PCDHGA8: variants seen among roughly 807,000 people sequenced by gnomAD.
PCDHGA8 encodes the protein protocadherin gamma subfamily A, 8.
Under a neutral mutation model 59.2 loss-of-function variants are expected in PCDHGA8, and 45 were observed. The observed-to-expected ratio is 0.76, with a 90% CI of 0.60 to 0.98. PCDHGA8 has a LOEUF of 0.98. Among genes scored for constraint, PCDHGA8 ranks in the 50% least tolerant of loss-of-function variants. The pLI, the probability that PCDHGA8 is intolerant of heterozygous loss-of-function variation, is 0.00. For missense variants in PCDHGA8, 1,257 were observed against 1,196.2 expected (o/e 1.05, Z -0.75); for synonymous variants, 531 against 519.0 (o/e 1.02, Z -0.32).
chr5:141,509,595 C>T (rs968797923), intron 3 of PCDHGA8, among the ~76,000 whole-genome samples: 36 of 152,168 alleles, frequency 2.4e-4, no homozygotes, highest in African/African-American at 6.8e-4. Context: ...CTGGCAATTC[C>T]GAGAGGCTGC....
At chr5:141,464,415 C>A (rs1185416197) in intron 1 of PCDHGA8, among the ~76,000 whole-genome samples, 2 of 150,854 alleles carry the variant, frequency 1.3e-5, no homozygotes, top group Admixed American at 6.6e-5. Context: ...ATATATATAT[C>A]TATATATATA....
In PCDHGA8 at chr5:141,485,669, T is replaced by G. The variant is rs754363407; in HGVS notation, c.2425-9138T>G. ...TCAGGATGCAGATGTGGGGAGCAATTCGATTAGCAGCTATAGGCTGAGCTC... is the reference window on the plus strand; with the variant it reads ...TCAGGATGCAGATGTGGGGAGCAATGCGATTAGCAGCTATAGGCTGAGCTC... On this transcript the variant is annotated intron_variant, in intron 1 of 3. Transcript: ENST00000398604. The surrounding 1 kb of genome is among the most constrained non-coding windows in gnomAD (Gnocchi z 5.7). 1.9e-6 allele frequency: 3 copies of G among 1,612,788 alleles called. 1 individual carries two copies. Among genetic ancestry groups the G allele is most frequent in the Admixed American group, 1.7e-5 (1 of 59,980 alleles).
intron 1 of PCDHGA8, among the ~76,000 whole-genome samples, chr5:141,466,815 A>G (rs1019952491): frequency 1.3e-5 from 2 of 152,182 alleles, no homozygotes; most frequent in Non-Finnish European, 2.9e-5. Flanking sequence ...CAGACATGGT[A>G]TAACAAGTTA....
chr5:141,494,323 A>T (rs1188768690), intron 1 of PCDHGA8, among the ~76,000 whole-genome samples: 1 of 152,210 alleles, frequency 6.6e-6, no homozygotes, highest in Non-Finnish European at 1.5e-5. Flanking sequence ...CCTGGCACCA[A>T]AAGGGTTACC....
intron 1 of PCDHGA8, chr5:141,426,945 A>G: frequency 8.8e-6 from 4 of 456,724 alleles, no homozygotes; most frequent in Non-Finnish European, 1.8e-5. Context: ...CCCAGTCCCA[A>G]CTGGCACTGC....
At chr5:141,426,625 A>G (rs770683989) in intron 1 of PCDHGA8, 29 of 394,754 alleles carry the variant, frequency 7.3e-5, no homozygotes, top group South Asian at 7.2e-5. Context: ...AATCCTCTAA[A>G]TGTTTTTCAC....
At chr5:141,478,765 C>T in intron 1 of PCDHGA8, 1 of 1,508,614 alleles carries the variant, frequency 6.6e-7, no homozygotes, top group Non-Finnish European at 8.9e-7. Context: ...AGATACTTGA[C>T]TCATCTGTGG....
chr5:141,505,402 T>G lies in PCDHGA8; in HGVS notation c.2493T>G (p.Asn831Lys), dbSNP rs1216666169. 1.9e-6 allele frequency: 3 copies of G among 1,614,014 alleles called. No homozygotes were observed. Among genetic ancestry groups the G allele is most frequent in the Non-Finnish European group, 2.5e-6 (3 of 1,180,034 alleles). Residue 831 changes from asparagine (N) to lysine (K), a missense_variant, in exon 3 of 4, where the codon AAT (asparagine) becomes AAG (lysine). Coordinates refer to ENST00000398604, the MANE Select transcript of PCDHGA8 (RefSeq NM_032088.2). The part of the protein sequence containing the change: ...AQRPGTSGSQ[N>K]GDDTGTWPNN... ...CCTACTCTCTCCCCAGCTCCCAAAA[T>G]GGCGATGACACCGGCACCTGGCCCA...
At chr5:141,465,840 A>G (rs1212861707) in intron 1 of PCDHGA8, among the ~76,000 whole-genome samples, 1 of 151,734 alleles carries the variant, frequency 6.6e-6, no homozygotes, top group Non-Finnish European at 1.5e-5. Context: ...ATTTCAACTG[A>G]GGCTGGGCCC....
rs2154584583 is a variant in PCDHGA8, at chr5:141,490,717, A to G, written c.2425-4090A>G. The G allele has an allele frequency of 6.2e-7, 1 of 1,613,972 alleles. No individual in the cohort carries two copies. Among genetic ancestry groups the G allele is most frequent in the Non-Finnish European group, 8.5e-7 (1 of 1,179,936 alleles). On this transcript the variant is annotated intron_variant, in intron 1 of 3. Coordinates refer to ENST00000398604, the MANE Select transcript of PCDHGA8 (RefSeq NM_032088.2). The surrounding 1 kb of genome is among the most constrained non-coding windows in gnomAD (Gnocchi z 5.4). ...GGATAATGCCCGCCTCACCTACTCC[A>G]TTGTAGGAAATCAGGTTCAGGGAGC...
intron 1 of PCDHGA8, chr5:141,409,924 C>A (rs760490649): frequency 6.2e-7 from 1 of 1,613,416 alleles, no homozygotes; most frequent in Admixed American, 1.7e-5. Flanking sequence ...GCTCCGCGTT[C>A]TTCGATATGG....
chr5:141,450,413 T>G (rs549247554), intron 1 of PCDHGA8, among the ~76,000 whole-genome samples: 1 of 152,334 alleles, frequency 6.6e-6, no homozygotes, highest in African/African-American at 2.4e-5. Context: ...GCCATTTGTC[T>G]TGTATAATGC....
At position 141,393,556 on chromosome 5, in the gene PCDHGA8, G is replaced by A. The variant is rs758148175; in HGVS notation, c.743G>A (p.Arg248Gln). The change falls in exon 1 of 4, where the codon CGA becomes CAA. Residue 248 changes from arginine to glutamine, a missense_variant. Transcript: ENST00000398604. ...NAPVFPHPIY[R>Q]VKVLENMPPG... ...CCGGTTTTTCCTCACCCGATTTACC[G>A]AGTGAAAGTCCTTGAGAACATGCCC... is the stretch of plus-strand genomic sequence containing the variant. 9 of 1,613,916 alleles carry A rather than the reference G, an allele frequency of 5.6e-6. No individual in the cohort carries two copies. The highest frequency in any genetic ancestry group is 2.2e-5 in the East Asian group (1 of 44,862).
rs550977374 is a variant in PCDHGA8, at chr5:141,447,118, G to A, written c.2425-47689G>A. 9.2e-5 allele frequency among the ~76,000 whole-genome samples: 14 copies of A among 151,984 alleles called. No individual in the cohort carries two copies. The East Asian group carries it at 2.7e-3, about 29-fold the overall frequency. ...TTCACATGATTATATGTGCTCCATGGATTTTTTTGTTTGTTTGTTTTTTGT... is the reference window on the plus strand; with the variant it reads ...TTCACATGATTATATGTGCTCCATGAATTTTTTTGTTTGTTTGTTTTTTGT... On this transcript the variant is annotated intron_variant, in intron 1 of 3. Transcript: ENST00000398604.
Position 141,476,908 on chromosome 5 carries a change from A to T in PCDHGA8, c.2425-17899A>T. ...ATGCACCCTCCGGCACGCGCGTGGT[A>T]CAAGTCCTTGCAACGGATCTGGATG... is the stretch of plus-strand genomic sequence containing the variant. On this transcript the variant is annotated intron_variant, in intron 1 of 3. Coordinates refer to ENST00000398604, the MANE Select transcript of PCDHGA8 (RefSeq NM_032088.2). This position sits in a 1 kb window ranked among gnomAD's most constrained non-coding sequence, Gnocchi z 7.6. The T allele has an allele frequency of 1.2e-6, 2 of 1,614,050 alleles. No individual in the cohort carries two copies. The highest frequency in any genetic ancestry group is 1.7e-6 in the Non-Finnish European group (2 of 1,180,038).
chr5:141,420,401 A>G, intron 1 of PCDHGA8: 1 of 1,249,172 alleles, frequency 8.0e-7, no homozygotes. Flanking sequence ...GGTCAAATTT[A>G]TGGTTATCAT....
chr5:141,505,557 A>C (rs2099846692), intron 3 of PCDHGA8, 76 bp downstream of exon 3: 1 of 1,606,080 alleles, frequency 6.2e-7, no homozygotes, highest in Non-Finnish European at 8.5e-7. Flanking sequence ...CACCATGCCC[A>C]CGGACTGGAT....
At chr5:141,423,187 C>G in intron 1 of PCDHGA8, 5 of 1,613,640 alleles carry the variant, frequency 3.1e-6, no homozygotes, top group Middle Eastern at 1.6e-4. Context: ...CGGCCAGCCC[C>G]CTCTCTCGGC....
intron 2 of PCDHGA8, among the ~76,000 whole-genome samples, chr5:141,495,128 G>T (rs1408872159): frequency 2.6e-5 from 4 of 152,160 alleles, no homozygotes; most frequent in African/African-American, 9.7e-5. Flanking sequence ...TCCCCTGAGG[G>T]CACTGTGGAA....
Sources: gnomAD v4.1 joint callset for allele counts (sites outside exome capture counted in the v4.1 genomes callset) on GRCh38, gnomAD v4.1.1 for gene constraint, Gnocchi (gnomAD v3.1) non-coding constraint, MANE v1.5 for transcripts, NCBI Gene and HGNC (gene_info 2026-07-23, HGNC 2026-07-21) for gene names.